Variants in DNAI1 observed in about 807,000 individuals in gnomAD.
The protein encoded by DNAI1 is dynein axonemal intermediate chain 1.
DNAI1 carries 67 observed loss-of-function variants against 92.0 expected under a neutral mutation model. The ratio of observed to expected loss-of-function variants is 0.73; its 90% CI spans 0.60 to 0.89. DNAI1 has a LOEUF of 0.89. Ranked by LOEUF, DNAI1 falls within the 40% of genes least tolerant of loss-of-function variation. DNAI1 has a pLI of 0.00. For synonymous variants in DNAI1, 323 were observed against 319.6 expected, an observed-to-expected ratio of 1.01 and a Z score of -0.11; for missense variants, 839 against 866.6, an observed-to-expected ratio of 0.97 and a Z score of 0.40.
chr9:34,466,746 A>T (rs1165655556), intron 1 of DNAI1, among the ~76,000 whole-genome samples: 2 of 152,224 alleles, frequency 1.3e-5, no homozygotes, highest in Non-Finnish European at 2.9e-5. Context: ...CTTTCTCCAC[A>T]TCTCTCACAG....
intron 13 of DNAI1, 82 bp downstream of exon 13, chr9:34,506,956 G>C: frequency 6.4e-7 from 1 of 1,556,860 alleles, no homozygotes; most frequent in Non-Finnish European, 8.7e-7. Flanking sequence ...AGCTTGGGGA[G>C]GAGAGGACCA....
At chr9:34,491,229 CTG>C (rs2132062978) in intron 7 of DNAI1, 1 of 548,816 alleles carries the variant, frequency 1.8e-6, no homozygotes, top group South Asian at 2.0e-5. Flanking sequence ...CCCACTTAGA[CTG>C]TATCTTGGTT....
intron 16 of DNAI1, 87 bp from the exon 17 acceptor site, chr9:34,514,307 T>G: frequency 6.4e-7 from 1 of 1,551,708 alleles, no homozygotes; most frequent in Non-Finnish European, 8.8e-7. Flanking sequence ...AGGACAGGAG[T>G]CTAAGGCTCT....
chr9:34,483,104 C>T (rs532771655), intron 1 of DNAI1, among the ~76,000 whole-genome samples: 26 of 152,340 alleles, frequency 1.7e-4, no homozygotes, highest in South Asian at 1.7e-3. Context: ...CCAGCTGGCC[C>T]GCAAGCACCG....
chr9:34,478,032 G>A (rs563335249), intron 1 of DNAI1, among the ~76,000 whole-genome samples: 25 of 147,970 alleles, frequency 1.7e-4, no homozygotes, highest in East Asian at 1.6e-3. Flanking sequence ...CGTTACAGGC[G>A]TGCACCACCA....
intron 10 of DNAI1, among the ~76,000 whole-genome samples, chr9:34,500,408 A>T (rs142284589): frequency 2.0e-4 from 30 of 152,284 alleles, no homozygotes; most frequent in African/African-American, 7.2e-4. Flanking sequence ...ACACATGGGA[A>T]CAAGGGCTGC....
Position 34,487,890 on chromosome 9 carries a change from G to A in DNAI1, c.262-1433G>A, listed in dbSNP as rs868422305. On this transcript the variant is annotated intron_variant, in intron 4 of 19. Coordinates refer to ENST00000242317, the MANE Select transcript of DNAI1 (RefSeq NM_012144.4). ...CAAAGCTGCTACTTTCCTTTGATGT[G>A]GTGGAGTAGAGAGGTAGATGGTTCT... The A allele has an allele frequency of 1.1e-4, 19 of 169,056 alleles. No individual in the cohort carries two copies. In the South Asian group the frequency reaches 2.2e-3, roughly 20 times the overall value. The allele number at this position is 169,056 out of a possible 1,614,324, so 10.5% of individuals were successfully genotyped here. A position where few individuals can be genotyped will look rare whatever the true frequency, so the allele number is the denominator to read the frequency against.
intron 18 of DNAI1, among the ~76,000 whole-genome samples, chr9:34,515,053 T>C (rs143413077): frequency 4.6e-4 from 70 of 152,240 alleles, no homozygotes; most frequent in African/African-American, 1.7e-3. Context: ...CCCGGCTCCA[T>C]CTAAGGAAAA....
At chr9:34,502,774 G>A (rs778980602) in intron 12 of DNAI1, among the ~76,000 whole-genome samples, 8 of 152,048 alleles carry the variant, frequency 5.3e-5, no homozygotes, top group South Asian at 2.1e-4. Context: ...AGTGGTACCC[G>A]TCGTCAGCTA....
At chr9:34,516,779 G>T (rs560758527) in intron 18 of DNAI1, among the ~76,000 whole-genome samples, 17 of 135,216 alleles carry the variant, frequency 1.3e-4, no homozygotes, top group Middle Eastern at 4.2e-3. Context: ...TCTCACTCTT[G>T]CCCAGGCTGG....
intron 1 of DNAI1, among the ~76,000 whole-genome samples, chr9:34,459,752 G>A (rs976413211): frequency 3.3e-5 from 5 of 152,208 alleles, no homozygotes; most frequent in Admixed American, 1.3e-4. Context: ...AGCCTCAAAG[G>A]CATTCTTTAT....
At chr9:34,480,509 C>T (rs1026985007) in intron 1 of DNAI1, among the ~76,000 whole-genome samples, 32 of 151,960 alleles carry the variant, frequency 2.1e-4, no homozygotes, top group Admixed American at 2.6e-4. Context: ...AACTTGTGAC[C>T]TCAGGTGAGC....
At chr9:34,482,151 T>C (rs7860313) in intron 1 of DNAI1, among the ~76,000 whole-genome samples, 2,525 of 145,298 alleles carry the variant, frequency 0.017, 53 homozygotes, top group African/African-American at 0.057. Flanking sequence ...GATTGGTGCA[T>C]TCACAAACCT....
In DNAI1 at chr9:34,465,611, T is replaced by TTTGTTTTCCTCCCCTGTGTACTAGGGGAA. The variant is rs1337668396; in HGVS notation, c.48+6585_48+6586insAATTGTTTTCCTCCCCTGTGTACTAGGGG. ...CAGCTGTGAGCATTTGAGGCCAGAA[T>TTTGTTTTCCTCCCCTGTGTACTAGGGGAA]TTGTTTTCCTCCCCTGTGTACTAGG... On this transcript the variant is annotated intron_variant, in intron 1 of 19. Transcript: ENST00000242317. Among the ~76,000 whole-genome samples, 4 of 152,350 alleles carry TTTGTTTTCCTCCCCTGTGTACTAGGGGAA rather than the reference T, an allele frequency of 2.6e-5. No individual in the cohort carries two copies. In the South Asian group the frequency reaches 6.2e-4, roughly 24 times the overall value.
intron 4 of DNAI1, among the ~76,000 whole-genome samples, chr9:34,487,060 T>C (rs1824486598): frequency 6.6e-6 from 1 of 152,252 alleles, no homozygotes; most frequent in Non-Finnish European, 1.5e-5. Flanking sequence ...TTGGCTATTA[T>C]GACTAATGCT....
intron 1 of DNAI1, among the ~76,000 whole-genome samples, chr9:34,473,032 A>G (rs1003388728): frequency 6.6e-6 from 1 of 152,138 alleles, no homozygotes; most frequent in African/African-American, 2.4e-5. Flanking sequence ...TTTTGTATGT[A>G]TATGCAAATA....
chr9:34,458,942 A>G lies in DNAI1; in HGVS notation c.-64A>G. Reference sequence around the variant, plus strand: ...AGTCCAGATTTCTTGTGTGTGGTCAAGGAGACGGACAAACTTTTTGTCTTC... The same window carrying G: ...AGTCCAGATTTCTTGTGTGTGGTCAGGGAGACGGACAAACTTTTTGTCTTC... On this transcript the variant is annotated 5_prime_UTR_variant, in exon 1 of 20. Transcript: ENST00000242317. The surrounding 1 kb of genome is among the most constrained non-coding windows in gnomAD (Gnocchi z 6.6). 1 of 1,475,788 alleles carries G rather than the reference A, an allele frequency of 6.8e-7. No individual in the cohort carries two copies. The highest frequency in any genetic ancestry group is 9.5e-7 in the Non-Finnish European group (1 of 1,054,600). 91.4% of individuals were successfully genotyped at this position (1,475,788 alleles called of 1,614,324 possible).
At chr9:34,493,133 A>T in intron 8 of DNAI1, 61 bp from the exon 9 acceptor site, 2 of 1,612,948 alleles carry the variant, frequency 1.2e-6, no homozygotes, top group South Asian at 2.2e-5. Flanking sequence ...GAAGGCTGAA[A>T]AGAGCTGTCT....
At chr9:34,508,142 G>A (rs1824980185) in intron 13 of DNAI1, among the ~76,000 whole-genome samples, 1 of 152,218 alleles carries the variant, frequency 6.6e-6, no homozygotes, top group Non-Finnish European at 1.5e-5. Flanking sequence ...ACAGCAGTGG[G>A]ACTCTGTCTT....
Sources: gnomAD v4.1 joint callset for allele counts (sites outside exome capture counted in the v4.1 genomes callset) on GRCh38, gnomAD v4.1.1 for gene constraint, Gnocchi (gnomAD v3.1) non-coding constraint, MANE v1.5 for transcripts, NCBI Gene and HGNC (gene_info 2026-07-23, HGNC 2026-07-21) for gene names.